SCHIP1: variants seen among roughly 807,000 people sequenced by gnomAD.
SCHIP1 encodes the protein schwannomin interacting protein 1.
A neutral mutation model predicts 29.7 loss-of-function variants in SCHIP1; 8 were observed. That is an observed-to-expected ratio of 0.27 (90% CI 0.16 to 0.49). SCHIP1 has a LOEUF of 0.49. Ranked by LOEUF, SCHIP1 falls within the 20% of genes least tolerant of loss-of-function variation. The pLI, the probability that SCHIP1 is intolerant of heterozygous loss-of-function variation, is 0.99. For synonymous variants in SCHIP1, 76 were observed against 94.9 expected (o/e 0.80, Z 1.16); for missense variants, 193 against 294.6 (o/e 0.66, Z 2.52).
At chr3:159,856,024 T>C (rs1188168524) in intron 1 of SCHIP1, among the ~76,000 whole-genome samples, 2 of 152,164 alleles carry the variant, frequency 1.3e-5, no homozygotes, top group Non-Finnish European at 2.9e-5. Flanking sequence ...AGAAAACATA[T>C]CTTAGTGTTT....
chr3:159,618,191 G>GT, the SCHIP1 span, among the ~76,000 whole-genome samples: 1 of 152,174 alleles, frequency 6.6e-6, no homozygotes, highest in East Asian at 1.9e-4. Flanking sequence ...ACCAACAGAG[G>GT]TCTACCTGAT....
At chr3:159,493,881 A>G in the SCHIP1 span, among the ~76,000 whole-genome samples, 1 of 152,110 alleles carries the variant, frequency 6.6e-6, no homozygotes, top group South Asian at 2.1e-4. Context: ...ATGTAAAAGA[A>G]CAGAAATTAT....
the SCHIP1 span, among the ~76,000 whole-genome samples, chr3:159,511,600 A>G: frequency 6.6e-6 from 1 of 152,202 alleles, no homozygotes; most frequent in Non-Finnish European, 1.5e-5. Context: ...CTATTCGGCC[A>G]TCTTGGAACC....
the SCHIP1 span, among the ~76,000 whole-genome samples, chr3:159,329,442 A>C: frequency 6.6e-6 from 1 of 152,176 alleles, no homozygotes; most frequent in Non-Finnish European, 1.5e-5. Flanking sequence ...ATGAAGTAGC[A>C]AGAGATGGGG....
chr3:159,495,258 G>A, the SCHIP1 span, among the ~76,000 whole-genome samples: 1 of 152,208 alleles, frequency 6.6e-6, no homozygotes, highest in East Asian at 1.9e-4. Context: ...TCTGGCCAGG[G>A]CAATCAGGCA....
chr3:159,310,290 A>G, the SCHIP1 span, among the ~76,000 whole-genome samples: 3 of 152,318 alleles, frequency 2.0e-5, no homozygotes, highest in Admixed American at 1.3e-4. Context: ...AGTATATTAT[A>G]TTTGACATTT....
the SCHIP1 span, among the ~76,000 whole-genome samples, chr3:159,458,856 T>A: frequency 6.6e-6 from 1 of 152,224 alleles, no homozygotes; most frequent in East Asian, 1.9e-4. Flanking sequence ...AAAAACAAAA[T>A]CCTAAGGGAG....
At chr3:159,320,545 T>G in the SCHIP1 span, among the ~76,000 whole-genome samples, 2 of 152,220 alleles carry the variant, frequency 1.3e-5, no homozygotes, top group Non-Finnish European at 2.9e-5. Context: ...AAATTCAGGT[T>G]CAGATCTTCT....
the SCHIP1 span, among the ~76,000 whole-genome samples, chr3:159,458,579 A>G: frequency 4.4e-5 from 6 of 137,030 alleles, no homozygotes; most frequent in Non-Finnish European, 1.6e-5. Context: ...TTTTTTTTTT[A>G]AAGGAGTTAA....
At chr3:159,574,541 G>A in the SCHIP1 span, among the ~76,000 whole-genome samples, 496 of 152,350 alleles carry the variant, frequency 3.3e-3, 2 homozygotes, top group African/African-American at 0.011. Flanking sequence ...ACTGGGAAGT[G>A]TCTCCCAGTT....
the SCHIP1 span, among the ~76,000 whole-genome samples, chr3:159,490,910 T>A: frequency 6.6e-6 from 1 of 152,228 alleles, no homozygotes; most frequent in East Asian, 1.9e-4. Context: ...ATCTGATTTT[T>A]AAGATACTTC....
chr3:159,435,130 A>G, the SCHIP1 span, among the ~76,000 whole-genome samples: 1 of 152,152 alleles, frequency 6.6e-6, no homozygotes, highest in Non-Finnish European at 1.5e-5. Context: ...TTCTAGTCAG[A>G]GCCTTGGATT....
At chr3:159,672,377 G>A in the SCHIP1 span, among the ~76,000 whole-genome samples, 3 of 152,220 alleles carry the variant, frequency 2.0e-5, no homozygotes, top group African/African-American at 7.2e-5. Context: ...GGGTCATTCT[G>A]CTGCCATGCA....
chr3:159,687,191 A>G, the SCHIP1 span, among the ~76,000 whole-genome samples: 1 of 152,182 alleles, frequency 6.6e-6, no homozygotes, highest in Non-Finnish European at 1.5e-5. Context: ...TTTCTCAGAC[A>G]GAAAGTAGGA....
At chr3:159,304,463 A>T in the SCHIP1 span, among the ~76,000 whole-genome samples, 2 of 152,150 alleles carry the variant, frequency 1.3e-5, no homozygotes, top group Non-Finnish European at 2.9e-5. Flanking sequence ...TTTTCCTTCC[A>T]TAAATGAAGC....
the SCHIP1 span, among the ~76,000 whole-genome samples, chr3:159,659,705 G>A: frequency 6.6e-6 from 1 of 152,142 alleles, no homozygotes; most frequent in East Asian, 1.9e-4. Context: ...AATGAATCAT[G>A]CCTTTTTGTG....
chr3:159,871,067 G>T lies in SCHIP1; in HGVS notation c.149+4786G>T, dbSNP rs574582615. Among the ~76,000 whole-genome samples the T allele has an allele frequency of 2.2e-4, 33 of 152,012 alleles. 1 individual carries two copies. The South Asian group carries it at 6.5e-3, about 30-fold the overall frequency. ...ATTTTGTTTGTTTTCAAAATTGTTG[G>T]CATGATGTTTTCTCATTTCTCTGAA... On this transcript the variant is annotated intron_variant, in intron 2 of 6. Transcript: ENST00000445224.
the SCHIP1 span, among the ~76,000 whole-genome samples, chr3:159,365,421 C>T: frequency 6.6e-6 from 1 of 151,984 alleles, no homozygotes; most frequent in Non-Finnish European, 1.5e-5. Flanking sequence ...AAATAGAACA[C>T]ATTCTATTAC....
chr3:159,701,602 A>G, the SCHIP1 span, among the ~76,000 whole-genome samples: 2 of 152,080 alleles, frequency 1.3e-5, no homozygotes, highest in Non-Finnish European at 2.9e-5. Context: ...TTTTCTGTAT[A>G]CTGGTTCTAT....
Sources: allele counts gnomAD v4.1 joint callset (sites outside exome capture counted in the v4.1 genomes callset), GRCh38; gene constraint gnomAD v4.1.1; transcripts MANE v1.5; gene names NCBI Gene and HGNC (gene_info 2026-07-23, HGNC 2026-07-21).